TRIO: variants seen among roughly 807,000 people sequenced by gnomAD.
The protein encoded by TRIO is trio Rho guanine nucleotide exchange factor, also known as triple functional domain protein.
A neutral mutation model predicts 351.9 loss-of-function variants in TRIO; 58 were observed. The ratio of observed to expected loss-of-function variants is 0.16; its 90% CI spans 0.13 to 0.21. The LOEUF (loss-of-function observed/expected upper bound fraction) is 0.21. Among genes scored for constraint, TRIO ranks in the 10% least tolerant of loss-of-function variants. The pLI, the probability that TRIO is intolerant of heterozygous loss-of-function variation, is 1.00. For synonymous variants in TRIO, 1,758 were observed against 1,595.7 expected, an observed-to-expected ratio of 1.10 and a Z score of -2.42; for missense variants, 3,201 against 4,027.8, an observed-to-expected ratio of 0.79 and a Z score of 5.56.
intron 34 of TRIO, among the ~76,000 whole-genome samples, chr5:14,447,681 AT>A (rs1027371424): frequency 6.6e-6 from 1 of 151,978 alleles, no homozygotes; most frequent in East Asian, 1.9e-4. Context: ...AAGTGATTTC[AT>A]TTTTTTTCAA....
chr5:14,230,338 GTT>G (rs1491313156), intron 1 of TRIO, among the ~76,000 whole-genome samples: 18 of 120,244 alleles, frequency 1.5e-4, no homozygotes, highest in African/African-American at 5.0e-4. Flanking sequence ...CAGGCAAGAT[GTT>G]TGTGTGTGTG....
intron 34 of TRIO, among the ~76,000 whole-genome samples, chr5:14,442,533 C>G (rs139354970): frequency 6.6e-5 from 10 of 152,302 alleles, no homozygotes; most frequent in African/African-American, 2.4e-4. Flanking sequence ...TTCTCAACAT[C>G]ATTTTCAATA....
chr5:14,384,532 T>G (rs1276958109), intron 21 of TRIO, among the ~76,000 whole-genome samples: 5 of 152,176 alleles, frequency 3.3e-5, no homozygotes. Flanking sequence ...ATATCTCACT[T>G]TAAAAGATGT....
chr5:14,497,371 G>T lies in TRIO; in HGVS notation c.8019+354G>T, dbSNP rs1445850763. Among the ~76,000 whole-genome samples the T allele has an allele frequency of 6.6e-6, 1 of 152,208 alleles. No individual in the cohort carries two copies. The highest frequency in any genetic ancestry group is 1.5e-5 in the Non-Finnish European group (1 of 68,036). On this transcript the variant is annotated intron_variant, in intron 50 of 56. Coordinates refer to ENST00000344204, the MANE Select transcript of TRIO (RefSeq NM_007118.4). The surrounding 1 kb of genome is among the most constrained non-coding windows in gnomAD (Gnocchi z 4.4). ...CTTCCTTCAGTGTTCCTGCCTTAAA[G>T]CCAAGGGGAAGTGGCTAGATGTGGG...
intron 35 of TRIO, 48 bp downstream of exon 35, chr5:14,461,359 G>C (rs779857412): frequency 4.8e-6 from 7 of 1,457,134 alleles, no homozygotes; most frequent in Non-Finnish European, 6.3e-6. Flanking sequence ...GGCCCGCTGG[G>C]CTTTTGCTGC....
chr5:14,488,878 C>G (rs1756254567), intron 48 of TRIO: 1 of 738,160 alleles, frequency 1.4e-6, no homozygotes, highest in Non-Finnish European at 2.5e-6. Flanking sequence ...GGCGGCTCTG[C>G]AGTGCAGGCT....
chr5:14,206,947 T>G (rs569725100), intron 1 of TRIO, among the ~76,000 whole-genome samples: 2 of 152,314 alleles, frequency 1.3e-5, no homozygotes, highest in Non-Finnish European at 2.9e-5. Context: ...ACTAGTTTTT[T>G]CTCTGTCAAG....
chr5:14,168,612 T>C (rs1306364493), intron 1 of TRIO, among the ~76,000 whole-genome samples: 1 of 152,228 alleles, frequency 6.6e-6, no homozygotes, highest in Non-Finnish European at 1.5e-5. Context: ...TTGTGGTGCA[T>C]GTCTTCTTCC....
chr5:14,387,474 G>A lies in TRIO; in HGVS notation c.3607G>A (p.Ala1203Thr). The change falls in exon 22 of 57, where the codon GCT becomes ACT. Residue 1203 changes from alanine to threonine, a missense_variant. Ala to Thr is a moderately conservative substitution (Grantham distance 58). Around this residue, in one of 19 missense-constraint regions of TRIO, gnomAD observed 201 missense variants for 266.5 expected, o/e 0.75. Coordinates refer to ENST00000344204, the MANE Select transcript of TRIO (RefSeq NM_007118.4). ...KERVKLLIQL[A>T]DGFCEKGHAH... Reference sequence around the variant, plus strand: ...GAGAGTGAAGCTATTGATACAGCTGGCTGATGGCTTTTGTGAAAAAGGGCA... The same window carrying A: ...GAGAGTGAAGCTATTGATACAGCTGACTGATGGCTTTTGTGAAAAAGGGCA... 6.2e-7 allele frequency: 1 copy of A among 1,613,732 alleles called. No homozygotes were observed. Among genetic ancestry groups the A allele is most frequent in the Non-Finnish European group, 8.5e-7 (1 of 1,179,762 alleles).
At chr5:14,162,467 C>T (rs1788527436) in intron 1 of TRIO, among the ~76,000 whole-genome samples, 1 of 152,138 alleles carries the variant, frequency 6.6e-6, no homozygotes, top group Non-Finnish European at 1.5e-5. Context: ...GTTCTTTTAC[C>T]TATAAAAATG....
rs1423561500 is a variant in TRIO, at chr5:14,461,135, C to T, written c.5320C>T (p.Arg1774Cys). 6.4e-7 allele frequency: 1 copy of T among 1,556,490 alleles called. No individual in the cohort carries two copies. ...CCCCAAGCGGCCGGGCAACACCCTG[C>T]GCAAGTGGCTCACCAGCCCCGTGCG... ...PGPKRPGNTL[R>C]KWLTSPVRRL... The change falls in exon 35 of 57, where the codon CGC (arginine) becomes TGC (cysteine). Residue 1774 changes from arginine (R) to cysteine (C), a missense_variant. Arg to Cys is a radical substitution (Grantham distance 180, BLOSUM62 -3). Around this residue, in one of 19 missense-constraint regions of TRIO, gnomAD observed 193 missense variants for 218.8 expected, o/e 0.88. Coordinates refer to ENST00000344204, the MANE Select transcript of TRIO (RefSeq NM_007118.4).
chr5:14,386,215 TC>T (rs1746527058), intron 21 of TRIO, among the ~76,000 whole-genome samples: 1 of 152,044 alleles, frequency 6.6e-6, no homozygotes, highest in Admixed American at 6.6e-5. Context: ...CATAGGGATA[TC>T]TGGGGGAGTG....
intron 1 of TRIO, among the ~76,000 whole-genome samples, chr5:14,164,209 A>G (rs1175139942): frequency 2.0e-5 from 3 of 152,208 alleles, no homozygotes; most frequent in Non-Finnish European, 4.4e-5. Context: ...AATTTTTTAT[A>G]AAAGTGCTAG....
intron 34 of TRIO, among the ~76,000 whole-genome samples, chr5:14,422,249 C>T (rs922888354): frequency 2.6e-5 from 4 of 152,168 alleles, no homozygotes; most frequent in Non-Finnish European, 4.4e-5. Context: ...AACTCAGGGA[C>T]GGTATGGAAC....
intron 34 of TRIO, among the ~76,000 whole-genome samples, chr5:14,435,694 G>C (rs1278856216): frequency 6.6e-6 from 1 of 152,150 alleles, no homozygotes; most frequent in Non-Finnish European, 1.5e-5. Flanking sequence ...TGGAGTCGTG[G>C]ATACTTATTG....
chr5:14,418,619 G>C (rs1749846177), intron 33 of TRIO, among the ~76,000 whole-genome samples: 1 of 152,182 alleles, frequency 6.6e-6, no homozygotes, highest in African/African-American at 2.4e-5. Flanking sequence ...GCATTGCGGG[G>C]ACAGGGAAGC....
chr5:14,186,774 C>T (rs1328212917), intron 1 of TRIO, among the ~76,000 whole-genome samples: 1 of 152,030 alleles, frequency 6.6e-6, no homozygotes, highest in African/African-American at 2.4e-5. Flanking sequence ...GATGAGGTTT[C>T]ACCATGTTGG....
In TRIO at chr5:14,488,438, C is replaced by T. The variant is rs979819014; in HGVS notation, c.7632+178C>T. 30 of 864,588 alleles carry T rather than the reference C, an allele frequency of 3.5e-5. No homozygotes were observed. In the East Asian group the frequency reaches 7.6e-4, roughly 22 times the overall value. The allele number at this position is 864,588 out of a possible 1,614,324, so 53.6% of individuals were successfully genotyped here. A position where few individuals can be genotyped will look rare whatever the true frequency, so the allele number is the denominator to read the frequency against. On this transcript the variant is annotated intron_variant, in intron 48 of 56. Coordinates refer to ENST00000344204, the MANE Select transcript of TRIO (RefSeq NM_007118.4). The stretch of plus-strand genomic sequence containing the variant: ...GGCCGGCCCACGGCGCTACTAACTA[C>T]TCCTTGCTTTGTTCGTGTCTTCTAA...
intron 1 of TRIO, among the ~76,000 whole-genome samples, chr5:14,194,015 T>C (rs1428056955): frequency 6.6e-6 from 1 of 152,200 alleles, no homozygotes; most frequent in Non-Finnish European, 1.5e-5. Context: ...GCTCATCCCA[T>C]CAGCAGTTGT....
Sources: gnomAD v4.1 joint callset for allele counts (sites outside exome capture counted in the v4.1 genomes callset) on GRCh38, gnomAD v4.1.1 for gene constraint, gnomAD v4.1.1 regional missense constraint, Gnocchi (gnomAD v3.1) non-coding constraint, MANE v1.5 for transcripts, NCBI Gene and HGNC (gene_info 2026-07-23, HGNC 2026-07-21) for gene names.